Variants in ULK4 observed in about 807,000 individuals in gnomAD.
ULK4 encodes the protein inactive serine/threonine-protein kinase ULK4.
A neutral mutation model predicts 160.6 loss-of-function variants in ULK4; 133 were observed. The observed-to-expected ratio is 0.83, with a 90% CI of 0.72 to 0.96. The LOEUF (loss-of-function observed/expected upper bound fraction) is 0.96. ULK4 is among the 40% of genes least tolerant of loss of function. The pLI is 0.00. For synonymous variants in ULK4, 534 were observed against 539.8 expected, an observed-to-expected ratio of 0.99 and a Z score of 0.15; for missense variants, 1,580 against 1,499.5, an observed-to-expected ratio of 1.05 and a Z score of -0.89.
At chr3:41,734,115 C>CAGGA (rs2125869593) in intron 22 of ULK4, among the ~76,000 whole-genome samples, 1 of 152,158 alleles carries the variant, frequency 6.6e-6, no homozygotes, top group Non-Finnish European at 1.5e-5. Flanking sequence ...CAACTAGAAG[C>CAGGA]AGGAAGATCA....
intron 21 of ULK4, among the ~76,000 whole-genome samples, chr3:41,777,871 A>G (rs1329689048): frequency 1.4e-5 from 2 of 143,786 alleles, no homozygotes; most frequent in Non-Finnish European, 3.0e-5. Flanking sequence ...CCCACAGCCA[A>G]TATCATACTG....
chr3:41,748,853 T>C (rs1397050428), intron 22 of ULK4, among the ~76,000 whole-genome samples: 2 of 152,222 alleles, frequency 1.3e-5, no homozygotes, highest in Non-Finnish European at 2.9e-5. Flanking sequence ...TAATATCTTG[T>C]AGATGATTCC....
Position 41,896,832 on chromosome 3 carries a change from T to G in ULK4, c.1520A>C (p.His507Pro), listed in dbSNP as rs202044851. The change falls in exon 15 of 37, where the codon CAT (histidine) becomes CCT (proline). Residue 507 changes from histidine (H) to proline (P), a missense_variant. His to Pro is a moderately conservative substitution (Grantham distance 77). Transcript: ENST00000301831. ...GTCACACAGGCTTACCAGGGGGGAA[T>G]GGAGGAGCCTGGTGGCCACCTCCTG... ...GHQEVATRLL[H>P]SPLFQLLIQH... 1.6e-5 allele frequency: 25 copies of G among 1,612,318 alleles called. No individual in the cohort carries two copies. The highest frequency in any genetic ancestry group is 2.7e-5 in the African/African-American group (2 of 74,884).
chr3:41,720,197 C>G (rs1421603235), intron 22 of ULK4, among the ~76,000 whole-genome samples: 2 of 152,268 alleles, frequency 1.3e-5, no homozygotes, highest in African/African-American at 4.8e-5. Flanking sequence ...AGGACTATAT[C>G]TGATTCTTCT....
intron 35 of ULK4, among the ~76,000 whole-genome samples, chr3:41,306,589 G>A (rs967506029): frequency 2.1e-4 from 32 of 151,024 alleles, no homozygotes; most frequent in African/African-American, 6.8e-4. Context: ...CTGCCCGGCC[G>A]CCCCTACTGG....
chr3:41,359,789 A>G (rs2081105332), intron 35 of ULK4, among the ~76,000 whole-genome samples: 1 of 152,214 alleles, frequency 6.6e-6, no homozygotes, highest in African/African-American at 2.4e-5. Flanking sequence ...GATGGAGTAG[A>G]GACTTAAATG....
chr3:41,560,260 C>T (rs1459805654), intron 32 of ULK4, among the ~76,000 whole-genome samples: 1 of 152,186 alleles, frequency 6.6e-6, no homozygotes, highest in African/African-American at 2.4e-5. Flanking sequence ...GTGTTGGTTA[C>T]TGTAGCCTTG....
chr3:41,880,981 T>C (rs1697496414), intron 17 of ULK4, among the ~76,000 whole-genome samples: 1 of 152,094 alleles, frequency 6.6e-6, no homozygotes, highest in South Asian at 2.1e-4. Flanking sequence ...GCAACCACAA[T>C]TTTTCCTGTT....
intron 32 of ULK4, among the ~76,000 whole-genome samples, chr3:41,477,068 CA>C (rs1442754919): frequency 6.6e-6 from 1 of 152,168 alleles, no homozygotes; most frequent in East Asian, 1.9e-4. Context: ...GCTACCACAA[CA>C]ATTTCTTAAT....
intron 21 of ULK4, among the ~76,000 whole-genome samples, chr3:41,770,380 G>C (rs1306391529): frequency 6.6e-6 from 1 of 152,026 alleles, no homozygotes; most frequent in Non-Finnish European, 1.5e-5. Flanking sequence ...ATGTTGACTG[G>C]GGAATTTTTC....
intron 30 of ULK4, among the ~76,000 whole-genome samples, chr3:41,636,629 A>C (rs1433416887): frequency 6.6e-6 from 1 of 151,634 alleles, no homozygotes; most frequent in African/African-American, 2.4e-5. Context: ...ATTATACTTT[A>C]AGTTTTAGGG....
rs189467646 is a variant in ULK4, at chr3:41,383,350, C to T, written c.3678+14729G>A. Among the ~76,000 whole-genome samples the T allele has an allele frequency of 4.2e-3, 638 of 152,234 alleles. 2 individuals are homozygous for T. Among genetic ancestry groups the T allele is most frequent in the African/African-American group, 0.015 (607 of 41,548 alleles). ...TTGACCTAAGGTGATCCACCTGCCTCGGCCTCCCAAAGTGCTAGGATTACA... is the reference window on the plus strand; with the variant it reads ...TTGACCTAAGGTGATCCACCTGCCTTGGCCTCCCAAAGTGCTAGGATTACA... On this transcript the variant is annotated intron_variant, in intron 35 of 36. Coordinates refer to ENST00000301831, the MANE Select transcript of ULK4 (RefSeq NM_017886.4).
intron 35 of ULK4, among the ~76,000 whole-genome samples, chr3:41,287,347 T>C (rs2079479817): frequency 6.6e-6 from 1 of 152,158 alleles, no homozygotes; most frequent in Admixed American, 6.5e-5. Context: ...GGGCTGAGTG[T>C]GATATAATTT....
At chr3:41,599,228 G>A (rs1188960234) in intron 31 of ULK4, among the ~76,000 whole-genome samples, 1 of 152,160 alleles carries the variant, frequency 6.6e-6, no homozygotes, top group African/African-American at 2.4e-5. Context: ...TGTTTAGGAT[G>A]AGGATGAGCT....
rs1338272955 is a variant in ULK4, at chr3:41,324,470, T to C, written c.3678+73609A>G. Among the ~76,000 whole-genome samples, 9 of 152,358 alleles carry C rather than the reference T, an allele frequency of 5.9e-5. No individual in the cohort carries two copies. The East Asian group carries it at 1.7e-3, about 29-fold the overall frequency. ...TGCACAGAACTATACAAAGGATCCA[T>C]GCCTTATTTTGCCAGGAAAAGAAAA... On this transcript the variant is annotated intron_variant, in intron 35 of 36. Transcript: ENST00000301831.
intron 32 of ULK4, among the ~76,000 whole-genome samples, chr3:41,555,112 A>G (rs1243046415): frequency 6.6e-6 from 1 of 152,176 alleles, no homozygotes; most frequent in Non-Finnish European, 1.5e-5. Flanking sequence ...CAAAGAATTA[A>G]TAGGTAAAAA....
At chr3:41,710,619 C>A (rs2037061295) in intron 25 of ULK4, among the ~76,000 whole-genome samples, 1 of 151,892 alleles carries the variant, frequency 6.6e-6, no homozygotes, top group Non-Finnish European at 1.5e-5. Context: ...CATGGTGAAA[C>A]CCCATCTCTA....
intron 32 of ULK4, among the ~76,000 whole-genome samples, chr3:41,552,884 G>A (rs913057405): frequency 1.3e-5 from 2 of 151,964 alleles, no homozygotes; most frequent in Non-Finnish European, 2.9e-5. Context: ...AAAACAACAT[G>A]GTATTGGTAT....
intron 35 of ULK4, among the ~76,000 whole-genome samples, chr3:41,266,213 G>A (rs1437167113): frequency 1.3e-5 from 2 of 152,158 alleles, no homozygotes; most frequent in Non-Finnish European, 2.9e-5. Context: ...GCAGCGGCTG[G>A]TGCAGGTAGC....
Sources: gnomAD v4.1 joint callset for allele counts (sites outside exome capture counted in the v4.1 genomes callset) on GRCh38, gnomAD v4.1.1 for gene constraint, MANE v1.5 for transcripts, NCBI Gene and HGNC (gene_info 2026-07-23, HGNC 2026-07-21) for gene names.